The following SNTG1 variants were observed in gnomAD, a reference collection of about 807,000 sequenced individuals.
SNTG1 encodes syntrophin gamma 1, also known as gamma-1-syntrophin.
Under a neutral mutation model 74.7 loss-of-function variants are expected in SNTG1, and 39 were observed. The observed-to-expected ratio is 0.52, with a 90% confidence interval of 0.40 to 0.68. The LOEUF (loss-of-function observed/expected upper bound fraction) is 0.68, where lower values mean the gene tolerates loss of function less well. Among genes scored for constraint, SNTG1 ranks in the 30% least tolerant of loss-of-function variants. The pLI, the probability that SNTG1 is intolerant of heterozygous loss-of-function variation, is 0.00. For synonymous variants in SNTG1, 254 were observed against 217.1 expected (o/e 1.17, Z -1.49); for missense variants, 685 against 609.5 (o/e 1.12, Z -1.30).
intron 2 of SNTG1, among the ~76,000 whole-genome samples, chr8:50,329,926 A>G (rs978109795): frequency 6.6e-6 from 1 of 152,176 alleles, no homozygotes; most frequent in African/African-American, 2.4e-5. Flanking sequence ...AAATTTCCAC[A>G]GATCTCTAAG....
intron 17 of SNTG1, among the ~76,000 whole-genome samples, chr8:50,709,642 C>T (rs2095456097): frequency 6.6e-6 from 1 of 152,102 alleles, no homozygotes; most frequent in Admixed American, 6.6e-5. Context: ...AAGCATTGCA[C>T]ATTATTATCA....
rs147394256 is a variant in SNTG1, at chr8:50,358,201, T to C, written c.-27-36011T>C. On this transcript the variant is annotated intron_variant, in intron 2 of 18. Transcript: ENST00000642720. ...CTCTTTTCAGAAGCACCTTGAACTT[T>C]ATCGGAGTGAAAGGTAAAGAAACAT... Among the ~76,000 whole-genome samples the C allele has an allele frequency of 3.9e-5, 6 of 152,326 alleles. No individual in the cohort carries two copies. In the East Asian group the frequency reaches 9.6e-4, roughly 24 times the overall value.
chr8:50,305,421 T>C (rs1462247545), intron 2 of SNTG1, among the ~76,000 whole-genome samples: 1 of 152,106 alleles, frequency 6.6e-6, no homozygotes, highest in Admixed American at 6.6e-5. Context: ...GTCATTTGGA[T>C]TTGGTTTTTC....
chr8:50,303,996 T>C (rs1209935396), intron 2 of SNTG1, among the ~76,000 whole-genome samples: 1 of 152,188 alleles, frequency 6.6e-6, no homozygotes, highest in East Asian at 1.9e-4. Flanking sequence ...CACTTTGCTT[T>C]AAAATCCCAC....
chr8:50,454,746 G>A (rs2093487990), intron 8 of SNTG1, among the ~76,000 whole-genome samples: 2 of 149,460 alleles, frequency 1.3e-5, no homozygotes, highest in Admixed American at 6.8e-5. Context: ...GGAGGTTGAC[G>A]CAGCAGAATT....
At chr8:50,652,830 A>T (rs1410743679) in intron 13 of SNTG1, among the ~76,000 whole-genome samples, 1 of 151,636 alleles carries the variant, frequency 6.6e-6, no homozygotes, top group Admixed American at 6.6e-5. Context: ...AATAAATAAT[A>T]AATAAATAAA....
intron 2 of SNTG1, among the ~76,000 whole-genome samples, chr8:50,223,601 C>T (rs2085176644): frequency 6.6e-6 from 1 of 151,640 alleles, no homozygotes; most frequent in Non-Finnish European, 1.5e-5. Context: ...TCATTAAATG[C>T]AAAAGATAAT....
intron 2 of SNTG1, among the ~76,000 whole-genome samples, chr8:50,287,053 A>C (rs1017452249): frequency 6.6e-6 from 1 of 152,120 alleles, no homozygotes; most frequent in African/African-American, 2.4e-5. Context: ...TGTGCTGACC[A>C]ACCTGACTGT....
intron 2 of SNTG1, among the ~76,000 whole-genome samples, chr8:50,180,216 A>C (rs1211789149): frequency 6.6e-6 from 1 of 152,214 alleles, no homozygotes; most frequent in Non-Finnish European, 1.5e-5. Flanking sequence ...TTATATGTGG[A>C]ATCTTAAGTC....
intron 18 of SNTG1, among the ~76,000 whole-genome samples, chr8:50,766,393 A>T (rs560523514): frequency 7.0e-4 from 106 of 152,088 alleles, no homozygotes; most frequent in Non-Finnish European, 1.4e-3. Flanking sequence ...TGCCTTGCTT[A>T]CTGCTGATTT....
intron 1 of SNTG1, among the ~76,000 whole-genome samples, chr8:50,153,559 G>A (rs2082147532): frequency 6.6e-6 from 1 of 152,116 alleles, no homozygotes; most frequent in South Asian, 2.1e-4. Flanking sequence ...TTTGATGATG[G>A]TGATGTACAG....
chr8:50,578,537 C>T (rs2094589796), intron 12 of SNTG1, among the ~76,000 whole-genome samples: 1 of 152,002 alleles, frequency 6.6e-6, no homozygotes, highest in Non-Finnish European at 1.5e-5. Flanking sequence ...GGCCGTGTGC[C>T]CACCCATATC....
chr8:50,384,748 G>A (rs1343563887), intron 2 of SNTG1, among the ~76,000 whole-genome samples: 1 of 152,086 alleles, frequency 6.6e-6, no homozygotes. Context: ...CCATAGGTGT[G>A]GGCTAAGAGA....
chr8:50,374,978 A>G (rs2092346368), intron 2 of SNTG1, among the ~76,000 whole-genome samples: 1 of 152,118 alleles, frequency 6.6e-6, no homozygotes, highest in Non-Finnish European at 1.5e-5. Context: ...TGAAGGTGTA[A>G]TGTGTCCTGG....
At chr8:50,652,891 T>G (rs1481411009) in intron 13 of SNTG1, among the ~76,000 whole-genome samples, 1 of 151,998 alleles carries the variant, frequency 6.6e-6, no homozygotes, top group Non-Finnish European at 1.5e-5. Flanking sequence ...GTCTTTTTGA[T>G]AGGTTTGACA....
intron 1 of SNTG1, among the ~76,000 whole-genome samples, chr8:49,977,826 A>G (rs528627250): frequency 6.6e-6 from 1 of 152,362 alleles, no homozygotes; most frequent in East Asian, 1.9e-4. Context: ...ATAAAGTTAG[A>G]AGGTCAGAAG....
chr8:50,509,325 C>T (rs2094042215), intron 9 of SNTG1, among the ~76,000 whole-genome samples: 1 of 151,716 alleles, frequency 6.6e-6, no homozygotes, highest in African/African-American at 2.4e-5. Context: ...TTACTGTAGC[C>T]TTGTAGTTTG....
At chr8:50,313,960 A>G (rs1345297431) in intron 2 of SNTG1, among the ~76,000 whole-genome samples, 1 of 150,014 alleles carries the variant, frequency 6.7e-6, no homozygotes, top group African/African-American at 2.5e-5. Flanking sequence ...GCTTTAAAAA[A>G]TTATTGATAA....
chr8:50,743,064 C>T (rs189441881), intron 17 of SNTG1, among the ~76,000 whole-genome samples: 113 of 141,406 alleles, frequency 8.0e-4, no homozygotes, highest in African/African-American at 2.9e-3. Flanking sequence ...TGAATTTTAC[C>T]AAACATTAAA....
Sources: allele counts gnomAD v4.1 joint callset (sites outside exome capture counted in the v4.1 genomes callset), GRCh38; gene constraint gnomAD v4.1.1; transcripts MANE v1.5; gene names NCBI Gene and HGNC (gene_info 2026-07-23, HGNC 2026-07-21).